Variants in NXPH1 observed in about 807,000 individuals in gnomAD.
The protein encoded by NXPH1 is neurexophilin 1, also known as neurexophilin-1.
In NXPH1, 5 loss-of-function variants were observed where a neutral mutation model predicts 23.7. That is an observed-to-expected ratio of 0.21 (90% CI 0.11 to 0.44). The LOEUF is 0.44. Ranked by LOEUF, NXPH1 falls within the 20% of genes least tolerant of loss-of-function variation. The probability of loss-of-function intolerance (pLI) is 0.99; values close to 1 mark genes in which losing one functional copy is unlikely to be tolerated. For missense variants in NXPH1, 324 were observed against 321.6 expected (o/e 1.01, Z -0.06); for synonymous variants, 144 against 122.2 (o/e 1.18, Z -1.18).
intron 2 of NXPH1, among the ~76,000 whole-genome samples, chr7:8,456,905 C>G (rs532555400): frequency 1.3e-5 from 2 of 152,092 alleles, no homozygotes; most frequent in East Asian, 1.9e-4. Flanking sequence ...CCATTTATAC[C>G]ACTGTCCCCA....
At chr7:8,644,137 G>T (rs190750102) in intron 2 of NXPH1, among the ~76,000 whole-genome samples, 89 of 152,232 alleles carry the variant, frequency 5.8e-4, no homozygotes, top group Admixed American at 1.1e-3. Flanking sequence ...TTCTGGCCTG[G>T]ATATCTAGGC....
chr7:8,637,225 C>CTTTT lies in NXPH1; in HGVS notation c.55-113773_55-113770dup, dbSNP rs532810877. 1.1e-4 allele frequency among the ~76,000 whole-genome samples: 16 copies of CTTTT among 142,974 alleles called. No individual in the cohort carries two copies. In the East Asian group the frequency reaches 1.4e-3, roughly 13 times the overall value. 93.8% of individuals were successfully genotyped at this position (142,974 alleles called of 152,430 possible). A position where few individuals can be genotyped will look rare whatever the true frequency, so the allele number is the denominator to read the frequency against. On this transcript the variant is annotated intron_variant, in intron 2 of 2. Transcript: ENST00000405863. ...ATCTTGCTCACTGCTGGGACTGACT[C>CTTTT]TTTTTTTTTTTTTGAGAGAGAGGGC...
chr7:8,562,378 A>G (rs1818460882), intron 2 of NXPH1, among the ~76,000 whole-genome samples: 1 of 151,758 alleles, frequency 6.6e-6, no homozygotes, highest in African/African-American at 2.4e-5. Flanking sequence ...TACTTCAGCA[A>G]AAGAGATACC....
chr7:8,747,499 C>T (rs1249795091), intron 2 of NXPH1, among the ~76,000 whole-genome samples: 1 of 152,128 alleles, frequency 6.6e-6, no homozygotes, highest in Admixed American at 6.5e-5. Context: ...CTTCATTAGC[C>T]AGTGCATCAT....
intron 2 of NXPH1, among the ~76,000 whole-genome samples, chr7:8,645,586 A>G (rs1820384855): frequency 6.9e-6 from 1 of 145,732 alleles, no homozygotes; most frequent in East Asian, 2.0e-4. Context: ...TGAACATCAC[A>G]TATATTATAA....
chr7:8,596,830 T>C (rs1283525097), intron 2 of NXPH1, among the ~76,000 whole-genome samples: 1 of 152,084 alleles, frequency 6.6e-6, no homozygotes, highest in Non-Finnish European at 1.5e-5. Flanking sequence ...ACTTTGGGAG[T>C]AGTGCTTGAA....
intron 2 of NXPH1, among the ~76,000 whole-genome samples, chr7:8,473,648 A>G (rs934653885): frequency 6.6e-6 from 1 of 151,952 alleles, no homozygotes; most frequent in Non-Finnish European, 1.5e-5. Context: ...TTTTCTGTAT[A>G]AATAAGCTTA....
At chr7:8,561,458 T>C (rs1198723625) in intron 2 of NXPH1, among the ~76,000 whole-genome samples, 1 of 151,478 alleles carries the variant, frequency 6.6e-6, no homozygotes, top group Non-Finnish European at 1.5e-5. Flanking sequence ...ATTAGAATAG[T>C]GTACCAAAGA....
chr7:8,714,544 G>T (rs1779847521), intron 2 of NXPH1, among the ~76,000 whole-genome samples: 1 of 151,778 alleles, frequency 6.6e-6, no homozygotes, highest in Non-Finnish European at 1.5e-5. Flanking sequence ...TTAATGTGCT[G>T]GGTCACACAT....
intron 2 of NXPH1, among the ~76,000 whole-genome samples, chr7:8,598,493 C>A (rs187148628): frequency 1.2e-3 from 182 of 152,252 alleles, no homozygotes; most frequent in African/African-American, 4.3e-3. Context: ...CTCTCTCCCG[C>A]AACTAGACTC....
chr7:8,488,905 A>G (rs898463492), intron 2 of NXPH1, among the ~76,000 whole-genome samples: 4 of 152,168 alleles, frequency 2.6e-5, no homozygotes, highest in African/African-American at 9.6e-5. Context: ...TGTCAACTTC[A>G]TCTTTTAGCA....
intron 2 of NXPH1, among the ~76,000 whole-genome samples, chr7:8,504,157 C>T (rs1055157469): frequency 1.2e-4 from 18 of 152,148 alleles, no homozygotes; most frequent in African/African-American, 4.1e-4. Context: ...CAAAGCCTTT[C>T]CCATTTCCAA....
At chr7:8,695,024 G>C (rs1006426939) in intron 2 of NXPH1, among the ~76,000 whole-genome samples, 1 of 152,092 alleles carries the variant, frequency 6.6e-6, no homozygotes, top group Non-Finnish European at 1.5e-5. Context: ...ATATAATTTT[G>C]GATGTCTGGC....
chr7:8,555,438 C>G (rs574155703), intron 2 of NXPH1, among the ~76,000 whole-genome samples: 1 of 151,658 alleles, frequency 6.6e-6, no homozygotes, highest in African/African-American at 2.4e-5. Flanking sequence ...AGAGATGACA[C>G]AGACTGCTGA....
chr7:8,691,621 GA>G (rs1327786709), intron 2 of NXPH1, among the ~76,000 whole-genome samples: 2 of 152,140 alleles, frequency 1.3e-5, no homozygotes, highest in African/African-American at 4.8e-5. Context: ...TTTAACCACT[GA>G]AACTGCCGTA....
At chr7:8,527,215 C>G (rs1817876715) in intron 2 of NXPH1, among the ~76,000 whole-genome samples, 1 of 152,208 alleles carries the variant, frequency 6.6e-6, no homozygotes, top group Non-Finnish European at 1.5e-5. Flanking sequence ...TGTGGAGATT[C>G]TGGTTCACGC....
chr7:8,648,419 G>C (rs76655446), intron 2 of NXPH1, among the ~76,000 whole-genome samples: 1 of 151,610 alleles, frequency 6.6e-6, no homozygotes, highest in Non-Finnish European at 1.5e-5. Flanking sequence ...TGTGATGTTT[G>C]TTTTTCTGTG....
In NXPH1 at chr7:8,612,505, C is replaced by T. The variant is rs577166749; in HGVS notation, c.55-138503C>T. Reference sequence around the variant, plus strand: ...CTATTACATTAAATGTATATAAATACTGACTTGGCCAGTTTTGCCAAGAGT... The same window carrying T: ...CTATTACATTAAATGTATATAAATATTGACTTGGCCAGTTTTGCCAAGAGT... On this transcript the variant is annotated intron_variant, in intron 2 of 2. Transcript: ENST00000405863. 5.3e-5 allele frequency among the ~76,000 whole-genome samples: 8 copies of T among 152,088 alleles called. No homozygotes were observed. The East Asian group carries it at 1.4e-3, about 26-fold the overall frequency.
At chr7:8,704,465 G>A (rs942789001) in intron 2 of NXPH1, among the ~76,000 whole-genome samples, 1 of 152,064 alleles carries the variant, frequency 6.6e-6, no homozygotes, top group African/African-American at 2.4e-5. Flanking sequence ...CAAATAGAAT[G>A]CCCCAGAAGT....
Sources: gnomAD v4.1 joint callset for allele counts (sites outside exome capture counted in the v4.1 genomes callset) on GRCh38, gnomAD v4.1.1 for gene constraint, MANE v1.5 for transcripts, NCBI Gene and HGNC (gene_info 2026-07-23, HGNC 2026-07-21) for gene names.